The following GLT1D1 variants were observed in gnomAD, a reference collection of about 807,000 sequenced individuals.
The protein encoded by GLT1D1 is glycosyltransferase 1 domain containing 1, also known as glycosyltransferase 1 domain-containing protein 1.
A neutral mutation model predicts 28.7 loss-of-function variants in GLT1D1; 21 were observed. The observed-to-expected ratio is 0.73, with a 90% CI of 0.52 to 1.05. The LOEUF (loss-of-function observed/expected upper bound fraction) is 1.05, where lower values mean the gene tolerates loss of function less well. Ranked by LOEUF, GLT1D1 falls within the 50% of genes least tolerant of loss-of-function variation. The probability of loss-of-function intolerance (pLI) is 0.00; values close to 1 mark genes in which losing one functional copy is unlikely to be tolerated. For missense variants in GLT1D1, 343 were observed against 330.6 expected, an observed-to-expected ratio of 1.04 and a Z score of -0.29; for synonymous variants, 147 against 124.8, an observed-to-expected ratio of 1.18 and a Z score of -1.19.
chr12:128,922,162 C>CTG lies in GLT1D1; in HGVS notation c.375+22905_375+22906dup, dbSNP rs57835879. On this transcript the variant is annotated intron_variant, in intron 4 of 7. Transcript: ENST00000281703. ...AGATCTTTTTCTGACTATGTAAACT[C>CTG]TGTGTGTGTGTGTGTGTGTGTGTGT... is the stretch of plus-strand genomic sequence containing the variant. Among the ~76,000 whole-genome samples, 1,012 of 148,778 alleles carry CTG rather than the reference C, an allele frequency of 6.8e-3. 12 individuals are homozygous for CTG. The highest frequency in any genetic ancestry group is 0.021 in the African/African-American group (866 of 40,436).
chr12:128,858,783 A>T (rs1269028056), intron 1 of GLT1D1, among the ~76,000 whole-genome samples: 2 of 152,170 alleles, frequency 1.3e-5, no homozygotes, highest in African/African-American at 2.4e-5. Flanking sequence ...TGAAGAGGAA[A>T]AATTTGTCAT....
chr12:128,914,628 T>C (rs1411492618), intron 4 of GLT1D1, among the ~76,000 whole-genome samples: 1 of 152,098 alleles, frequency 6.6e-6, no homozygotes. Flanking sequence ...GAGACCAGCC[T>C]GGCCAACATG....
At position 128,983,340 on chromosome 12, in the gene GLT1D1, G is replaced by T; in HGVS notation, c.*250G>T. Reference sequence around the variant, plus strand: ...GGTGCATGAGTGACTGGGTTGACTGGGACAGGGAAAGGGGAACTGGTTTTC... The same window carrying T: ...GGTGCATGAGTGACTGGGTTGACTGTGACAGGGAAAGGGGAACTGGTTTTC... On this transcript the variant is annotated 3_prime_UTR_variant, in exon 8 of 8. Transcript: ENST00000281703. The surrounding 1 kb of genome is among the most constrained non-coding windows in gnomAD (Gnocchi z 4.7). The T allele has an allele frequency of 2.2e-6, 1 of 447,450 alleles. No individual in the cohort carries two copies. Among genetic ancestry groups the T allele is most frequent in the East Asian group, 3.5e-5 (1 of 28,916 alleles). 27.7% of individuals were successfully genotyped at this position (447,450 alleles called of 1,614,324 possible).
intron 6 of GLT1D1, among the ~76,000 whole-genome samples, chr12:128,948,892 CAGAG>C (rs1190778566): frequency 6.6e-6 from 1 of 152,108 alleles, no homozygotes; most frequent in Non-Finnish European, 1.5e-5. Flanking sequence ...GAAAAAAACA[CAGAG>C]GGAGATGGCA....
intron 2 of GLT1D1, among the ~76,000 whole-genome samples, chr12:128,880,572 T>C (rs962547227): frequency 6.6e-6 from 1 of 152,238 alleles, no homozygotes; most frequent in Admixed American, 6.5e-5. Context: ...GGTTTTCACT[T>C]AGCAAAGTAT....
chr12:128,937,713 G>A (rs1329061240), intron 4 of GLT1D1, among the ~76,000 whole-genome samples: 1 of 152,240 alleles, frequency 6.6e-6, no homozygotes, highest in African/African-American at 2.4e-5. Context: ...TTACCCTCAC[G>A]CTGGTTTTTG....
intron 4 of GLT1D1, among the ~76,000 whole-genome samples, chr12:128,899,692 G>C (rs1176195314): frequency 6.6e-6 from 1 of 151,852 alleles, no homozygotes; most frequent in African/African-American, 2.4e-5. Flanking sequence ...TGGGATTTCA[G>C]GTGCACACCA....
At chr12:128,924,872 T>C (rs1873031342) in intron 4 of GLT1D1, among the ~76,000 whole-genome samples, 1 of 152,116 alleles carries the variant, frequency 6.6e-6, no homozygotes, top group Non-Finnish European at 1.5e-5. Flanking sequence ...CTGACAGCCA[T>C]TGGAAGTCCC....
chr12:128,947,584 G>GCATAC (rs1320046732), intron 6 of GLT1D1, 126 bp downstream of exon 10: 5 of 1,040,484 alleles, frequency 4.8e-6, no homozygotes, highest in Non-Finnish European at 7.4e-6. Flanking sequence ...AGGCCAAGCA[G>GCATAC]CATACCTGTT....
rs552333470 is a variant in GLT1D1, at chr12:128,935,852, G to T, written c.376-9474G>T. ...TTTTAAAAAGATGGGTTGTAGTCCC[G>T]TACGAAATCCACGCAATCATTCAAT... On this transcript the variant is annotated intron_variant, in intron 4 of 7. Coordinates refer to ENST00000281703, the MANE Select transcript of GLT1D1 (RefSeq NM_144669.3). Among the ~76,000 whole-genome samples, 15 of 152,252 alleles carry T rather than the reference G, an allele frequency of 9.9e-5. No individual in the cohort carries two copies. In the South Asian group the frequency reaches 2.9e-3, roughly 29 times the overall value.
intron 4 of GLT1D1, among the ~76,000 whole-genome samples, chr12:128,916,261 C>A (rs1189326810): frequency 6.6e-6 from 1 of 152,078 alleles, no homozygotes; most frequent in East Asian, 1.9e-4. Flanking sequence ...TTGTTTATCT[C>A]TTCTTCTATT....
At chr12:128,891,652 T>C (rs1368082546) in intron 3 of GLT1D1, among the ~76,000 whole-genome samples, 1 of 152,154 alleles carries the variant, frequency 6.6e-6, no homozygotes, top group Non-Finnish European at 1.5e-5. Flanking sequence ...GCATTCAAAG[T>C]TCTGTCGGGA....
At chr12:128,923,867 T>G (rs142168911) in intron 4 of GLT1D1, among the ~76,000 whole-genome samples, 1 of 152,174 alleles carries the variant, frequency 6.6e-6, no homozygotes, top group Non-Finnish European at 1.5e-5. Flanking sequence ...ATTTGGACTG[T>G]GAAGCAAATG....
intron 7 of GLT1D1, among the ~76,000 whole-genome samples, chr12:128,971,449 T>TGC: frequency 1.4e-5 from 1 of 72,122 alleles, no homozygotes; most frequent in South Asian, 7.4e-4. Flanking sequence ...TCCCTTCCTC[T>TGC]CTCCCTCCAT....
chr12:128,864,204 G>T (rs547611764), intron 1 of GLT1D1: 1 of 663,808 alleles, frequency 1.5e-6, no homozygotes, highest in East Asian at 2.8e-5. Context: ...AATTAGGGCA[G>T]TTGCAACCCA....
chr12:128,854,794 GCCT>G (rs1324192432), intron 1 of GLT1D1, among the ~76,000 whole-genome samples: 1 of 152,090 alleles, frequency 6.6e-6, no homozygotes, highest in Non-Finnish European at 1.5e-5. Context: ...ACTGTGCCCG[GCCT>G]CCTCATCATT....
At chr12:128,951,252 A>T (rs1876664370) in intron 6 of GLT1D1, among the ~76,000 whole-genome samples, 2 of 151,996 alleles carry the variant, frequency 1.3e-5, no homozygotes, top group Admixed American at 1.3e-4. Flanking sequence ...AAAATACAAA[A>T]ATGAGCCAGG....
intron 1 of GLT1D1, among the ~76,000 whole-genome samples, chr12:128,871,208 T>C (rs879833834): frequency 1.3e-5 from 2 of 152,212 alleles, no homozygotes; most frequent in African/African-American, 2.4e-5. Context: ...AAAATAGCAA[T>C]TATTCAACCA....
intron 4 of GLT1D1, among the ~76,000 whole-genome samples, chr12:128,899,763 G>T (rs1465175501): frequency 6.6e-6 from 1 of 151,986 alleles, no homozygotes. Context: ...CGTTGGTCAG[G>T]CTGGTCTCGA....
Sources: gnomAD v4.1 joint callset for allele counts (sites outside exome capture counted in the v4.1 genomes callset) on GRCh38, gnomAD v4.1.1 for gene constraint, Gnocchi (gnomAD v3.1) non-coding constraint, MANE v1.5 for transcripts, NCBI Gene and HGNC (gene_info 2026-07-23, HGNC 2026-07-21) for gene names.